PTBP3: variants seen among roughly 807,000 people sequenced by gnomAD.
PTBP3 encodes polypyrimidine tract-binding protein 3.
In PTBP3, 20 loss-of-function variants were observed where a neutral mutation model predicts 58.7. The observed-to-expected ratio is 0.34, with a 90% confidence interval of 0.24 to 0.50. The LOEUF is 0.50. Ranked by LOEUF, PTBP3 falls within the 20% of genes least tolerant of loss-of-function variation. PTBP3 has a pLI of 0.98. For synonymous variants in PTBP3, 185 were observed against 219.8 expected (o/e 0.84, Z 1.40); for missense variants, 509 against 637.2 (o/e 0.80, Z 2.17).
At chr9:112,320,314 A>ATATTTT in intron 1 of PTBP3, among the ~76,000 whole-genome samples, 7 of 75,686 alleles carry the variant, frequency 9.2e-5, no homozygotes, top group Non-Finnish European at 1.4e-4. Context: ...ATATATATAT[A>ATATTTT]TTTTTTTTTA....
intron 8 of PTBP3, among the ~76,000 whole-genome samples, chr9:112,234,157 A>C (rs567569724): frequency 3.7e-4 from 57 of 152,190 alleles, no homozygotes; most frequent in Admixed American, 1.0e-3. Flanking sequence ...ATAAAACCAT[A>C]AAGTAACATT....
chr9:112,329,403 G>C (rs1830278210), intron 1 of PTBP3, among the ~76,000 whole-genome samples: 1 of 102,266 alleles, frequency 9.8e-6, no homozygotes, highest in South Asian at 4.0e-4. Flanking sequence ...GCAACAGGGA[G>C]GCTCCGCCTC....
At chr9:112,264,869 T>C (rs1372390003) in intron 4 of PTBP3, among the ~76,000 whole-genome samples, 2 of 152,230 alleles carry the variant, frequency 1.3e-5, no homozygotes, top group Non-Finnish European at 1.5e-5. Flanking sequence ...ATTTATTAAA[T>C]TGTTTTTTCC....
the PTBP3 span, among the ~76,000 whole-genome samples, chr9:112,361,149 T>A: frequency 3.2e-4 from 48 of 152,126 alleles, no homozygotes; most frequent in Non-Finnish European, 6.3e-4. Context: ...CAGGCTGGAG[T>A]GCAGTGGTGA....
At chr9:112,307,644 GA>G (rs1242894882) in intron 1 of PTBP3, among the ~76,000 whole-genome samples, 5 of 152,098 alleles carry the variant, frequency 3.3e-5, no homozygotes, top group Non-Finnish European at 1.5e-5. Flanking sequence ...ACTTACATTT[GA>G]AAATTAGTCA....
intron 7 of PTBP3, among the ~76,000 whole-genome samples, chr9:112,239,458 A>G (rs1835557399): frequency 1.3e-5 from 2 of 152,106 alleles, no homozygotes; most frequent in Admixed American, 1.3e-4. Flanking sequence ...GGCTGGGCAT[A>G]GTGACTCACA....
chr9:112,254,906 A>G (rs1836282715), intron 5 of PTBP3, among the ~76,000 whole-genome samples: 1 of 152,198 alleles, frequency 6.6e-6, no homozygotes, highest in Non-Finnish European at 1.5e-5. Flanking sequence ...ACTCAAAGAG[A>G]TATGCATATA....
intron 1 of PTBP3, among the ~76,000 whole-genome samples, chr9:112,303,232 T>C (rs559087028): frequency 6.0e-4 from 92 of 152,310 alleles, no homozygotes; most frequent in African/African-American, 1.9e-3. Context: ...ACATACCCAA[T>C]CCTATCTACT....
At position 112,222,218 on chromosome 9, in the gene PTBP3, T is replaced by C. The variant is rs932575475; in HGVS notation, c.*1633A>G. ...CAAATTCTGCTTTAAAAAATTCTGA[T>C]CAACAATTGAAGAAATAATAGCAAA... On this transcript the variant is annotated 3_prime_UTR_variant, in exon 14 of 14. Coordinates refer to ENST00000374257, the MANE Select transcript of PTBP3 (RefSeq NM_001163788.4). 6 of 980,554 alleles carry C rather than the reference T, an allele frequency of 6.1e-6. No individual in the cohort carries two copies. The highest frequency in any genetic ancestry group is 1.8e-5 in the African/African-American group (1 of 57,138). The allele number at this position is 980,554 out of a possible 1,614,324, so 60.7% of individuals were successfully genotyped here. A position where few individuals can be genotyped will look rare whatever the true frequency, so the allele number is the denominator to read the frequency against.
At chr9:112,357,436 G>A in the PTBP3 span, among the ~76,000 whole-genome samples, 1 of 151,970 alleles carries the variant, frequency 6.6e-6, no homozygotes, top group Non-Finnish European at 1.5e-5. Context: ...CTGCAGCCTC[G>A]ACCTTCCTGG....
chr9:112,326,723 A>G (rs188868538), intron 1 of PTBP3, among the ~76,000 whole-genome samples: 6 of 152,368 alleles, frequency 3.9e-5, no homozygotes, highest in African/African-American at 1.4e-4. Flanking sequence ...TTGAAAAAAT[A>G]ACCAGGATTA....
chr9:112,324,661 TA>T (rs367609731), intron 1 of PTBP3, among the ~76,000 whole-genome samples: 40,260 of 129,200 alleles, frequency 0.31, 5,813 homozygotes, highest in South Asian at 0.45. Flanking sequence ...TTTTTTTTTT[TA>T]AAAAAAAACA....
At chr9:112,333,175 C>T in intron 1 of PTBP3, 1 of 1,162,076 alleles carries the variant, frequency 8.6e-7, no homozygotes, top group Non-Finnish European at 1.1e-6. Flanking sequence ...CGGACCTCGG[C>T]ACCGCGGCCG....
At position 112,223,441 on chromosome 9, in the gene PTBP3, T is replaced by C; in HGVS notation, c.*410A>G. 1.1e-6 allele frequency: 1 copy of C among 916,052 alleles called. No homozygotes were observed. Among genetic ancestry groups the C allele is most frequent in the East Asian group, 1.2e-4 (1 of 8,592 alleles). The allele number at this position is 916,052 out of a possible 1,614,324, so 56.7% of individuals were successfully genotyped here. A position where few individuals can be genotyped will look rare whatever the true frequency, so the allele number is the denominator to read the frequency against. On this transcript the variant is annotated 3_prime_UTR_variant, in exon 14 of 14. Coordinates refer to ENST00000374257, the MANE Select transcript of PTBP3 (RefSeq NM_001163788.4). ...CTTGGTCATAAGTGATTTAAATTAC[T>C]TACATCAAGTAATTTTAGAAGTCTG...
upstream of PTBP3, among the ~76,000 whole-genome samples, chr9:112,334,638 G>C (rs1830530339): frequency 6.6e-6 from 1 of 152,166 alleles, no homozygotes; most frequent in Non-Finnish European, 1.5e-5. Flanking sequence ...CCGTGGCTTC[G>C]TCATTTGAAA....
chr9:112,234,727 C>T lies in PTBP3; in HGVS notation c.880+93G>A. On this transcript the variant is annotated intron_variant, in intron 8 of 13. Coordinates refer to ENST00000374257, the MANE Select transcript of PTBP3 (RefSeq NM_001163788.4). ...TATGCATAATGCTTTATGGTAAATT[C>T]TTCAAATATGATAACATTCTTCATC... 4 of 1,231,922 alleles carry T rather than the reference C, an allele frequency of 3.2e-6. No homozygotes were observed. The East Asian group carries it at 9.8e-5, about 30-fold the overall frequency. 76.3% of individuals were successfully genotyped at this position (1,231,922 alleles called of 1,614,324 possible).
intron 1 of PTBP3, 95 bp downstream of exon 1, chr9:112,333,375 C>A: frequency 2.2e-6 from 3 of 1,339,354 alleles, no homozygotes; most frequent in Non-Finnish European, 1.9e-6. Context: ...GCCGGCGCCG[C>A]GCACTGCTCC....
chr9:112,314,111 C>T (rs1829603129), intron 1 of PTBP3, among the ~76,000 whole-genome samples: 1 of 152,104 alleles, frequency 6.6e-6, no homozygotes. Flanking sequence ...GCAAATACTG[C>T]TCTCTTTATA....
intron 1 of PTBP3, among the ~76,000 whole-genome samples, chr9:112,306,007 A>G (rs1829184773): frequency 6.6e-6 from 1 of 152,104 alleles, no homozygotes; most frequent in Non-Finnish European, 1.5e-5. Flanking sequence ...TTTCTAGCAA[A>G]TTATTGAACC....
Sources: allele counts gnomAD v4.1 joint callset (sites outside exome capture counted in the v4.1 genomes callset), GRCh38; gene constraint gnomAD v4.1.1; transcripts MANE v1.5; gene names NCBI Gene and HGNC (gene_info 2026-07-23, HGNC 2026-07-21).